SRGAP3: variants seen among roughly 807,000 people sequenced by gnomAD.
SRGAP3 encodes the protein SLIT-ROBO Rho GTPase-activating protein 3.
Under a neutral mutation model 121.1 loss-of-function variants are expected in SRGAP3, and 39 were observed. The ratio of observed to expected loss-of-function variants is 0.32; its 90% CI spans 0.25 to 0.42. The LOEUF is 0.42. SRGAP3 is among the 10% of genes least tolerant of loss of function. SRGAP3 has a pLI of 1.00. For missense variants in SRGAP3, 1,213 were observed against 1,470.6 expected (o/e 0.82, Z 2.86); for synonymous variants, 601 against 570.0 (o/e 1.05, Z -0.77).
intron 3 of SRGAP3, among the ~76,000 whole-genome samples, chr3:9,097,758 T>G (rs1948046642): frequency 6.6e-6 from 1 of 152,144 alleles, no homozygotes; most frequent in Non-Finnish European, 1.5e-5. Flanking sequence ...CATCATCTGC[T>G]CAAGCCCACA....
At chr3:9,333,678 C>G (rs181673429) in intron 1 of SRGAP3, among the ~76,000 whole-genome samples, 1 of 152,258 alleles carries the variant, frequency 6.6e-6, no homozygotes, top group East Asian at 1.9e-4. Flanking sequence ...CCCTTTCTTT[C>G]TTTCTCCCAG....
intron 21 of SRGAP3, among the ~76,000 whole-genome samples, chr3:8,988,819 T>C (rs933260408): frequency 1.3e-5 from 2 of 152,124 alleles, no homozygotes; most frequent in Non-Finnish European, 2.9e-5. Context: ...ACTACCTAGA[T>C]CCCTCACATG....
chr3:9,188,669 C>T (rs3856906), intron 1 of SRGAP3, among the ~76,000 whole-genome samples: 63 of 152,218 alleles, frequency 4.1e-4, no homozygotes, highest in African/African-American at 1.5e-3. Flanking sequence ...AAGCATATTG[C>T]CTCTCTTTGG....
At chr3:9,348,719 G>A (rs946987615) in intron 1 of SRGAP3, 10 of 1,239,386 alleles carry the variant, frequency 8.1e-6, no homozygotes, top group Non-Finnish European at 1.2e-5. Flanking sequence ...GCACTCTGGG[G>A]GTCTGATCGG....
chr3:9,259,486 G>A (rs928074199), intron 3 of SRGAP3, among the ~76,000 whole-genome samples: 1 of 151,922 alleles, frequency 6.6e-6, no homozygotes, highest in Non-Finnish European at 1.5e-5. Flanking sequence ...TTATTTTTTT[G>A]TAGAGATGGT....
chr3:9,196,390 G>A (rs1251437182), intron 1 of SRGAP3, among the ~76,000 whole-genome samples: 4 of 152,218 alleles, frequency 2.6e-5, no homozygotes, highest in Non-Finnish European at 5.9e-5. Flanking sequence ...AACCTTTGGA[G>A]CCAGAAGGTC....
chr3:9,073,358 T>C (rs1010543671), intron 4 of SRGAP3, among the ~76,000 whole-genome samples: 2 of 152,242 alleles, frequency 1.3e-5, no homozygotes, highest in Non-Finnish European at 2.9e-5. Flanking sequence ...TTGCCCAGGC[T>C]GGTCTTGAAC....
chr3:9,287,779 C>T (rs774758960), intron 3 of SRGAP3, among the ~76,000 whole-genome samples: 1 of 152,164 alleles, frequency 6.6e-6, no homozygotes, highest in Non-Finnish European at 1.5e-5. Context: ...TTTTAAGACT[C>T]ATTAGTGGTT....
upstream of SRGAP3, among the ~76,000 whole-genome samples, chr3:9,250,168 C>A (rs1200178963): frequency 6.6e-6 from 1 of 152,206 alleles, no homozygotes; most frequent in Non-Finnish European, 1.5e-5. Flanking sequence ...ATAAGTCAGA[C>A]TGAGCCTCAG....
At position 9,218,212 on chromosome 3, in the gene SRGAP3, C is replaced by G. The variant is rs3886235; in HGVS notation, c.67+30673G>C. On this transcript the variant is annotated intron_variant, in intron 1 of 21. Coordinates refer to ENST00000383836, the MANE Select transcript of SRGAP3 (RefSeq NM_014850.4). This position sits in a 1 kb window ranked among gnomAD's most constrained non-coding sequence, Gnocchi z 5.3. ...GGAAGATATTGCAGGAAACAATGCT[C>G]TAGGAGAGACCACAGCTGGGCCAGC... The G allele has an allele frequency of 1.6e-4, 24 of 152,126 alleles. No homozygotes were observed. Among genetic ancestry groups the G allele is most frequent in the Non-Finnish European group, 3.1e-4 (21 of 68,036 alleles). The allele number at this position is 152,126 out of a possible 1,614,324, so 9.4% of individuals were successfully genotyped here.
rs1948541867 is a variant in SRGAP3 at position 9,109,594 on chromosome 3, A to G, written c.261-4752T>C. Among the ~76,000 whole-genome samples, 1 of 152,150 alleles carries G rather than the reference A, an allele frequency of 6.6e-6. No individual in the cohort carries two copies. The highest frequency in any genetic ancestry group is 1.9e-4 in the East Asian group (1 of 5,178). ...GAGTGCAGGAGCAACCAAGGCTGCA[A>G]GACCCTGCCCTGCAAGTCTTCCACT... On this transcript the variant is annotated intron_variant, in intron 2 of 21. Coordinates refer to ENST00000383836, the MANE Select transcript of SRGAP3 (RefSeq NM_014850.4). The surrounding 1 kb of genome is among the most constrained non-coding windows in gnomAD (Gnocchi z 4.4).
At chr3:9,231,866 A>G (rs1953223143) in intron 1 of SRGAP3, among the ~76,000 whole-genome samples, 2 of 152,222 alleles carry the variant, frequency 1.3e-5, no homozygotes, top group South Asian at 4.1e-4. Context: ...CTCATTTCAC[A>G]GATGAGGAAG....
At chr3:9,085,605 A>T (rs1371789345) in intron 3 of SRGAP3, among the ~76,000 whole-genome samples, 2 of 152,260 alleles carry the variant, frequency 1.3e-5, no homozygotes, top group East Asian at 3.8e-4. Flanking sequence ...AATATGGTAC[A>T]TATATACCAT....
At chr3:9,344,220 C>T (rs1335798852) in intron 1 of SRGAP3, among the ~76,000 whole-genome samples, 10 of 152,008 alleles carry the variant, frequency 6.6e-5, no homozygotes, top group Admixed American at 3.9e-4. Flanking sequence ...TTTGGGAGGC[C>T]GAGGCGGGCG....
intron 3 of SRGAP3, among the ~76,000 whole-genome samples, chr3:9,278,408 G>C (rs993692951): frequency 6.6e-6 from 1 of 152,186 alleles, no homozygotes; most frequent in Non-Finnish European, 1.5e-5. Context: ...TTGAAGCAGA[G>C]AGTCCCACTT....
chr3:9,221,117 G>A (rs909354315), intron 1 of SRGAP3, among the ~76,000 whole-genome samples: 1 of 150,154 alleles, frequency 6.7e-6, no homozygotes, highest in Non-Finnish European at 1.5e-5. Context: ...CCCCAGCACT[G>A]CCCCTTCCCC....
chr3:9,116,880 C>T (rs452415), intron 2 of SRGAP3, among the ~76,000 whole-genome samples: 52,518 of 152,136 alleles, frequency 0.35, 9,793 homozygotes, highest in African/African-American at 0.47. Context: ...AAGATAAAGA[C>T]AGCCCCTTCT....
intron 18 of SRGAP3, among the ~76,000 whole-genome samples, chr3:8,994,834 G>A (rs187561660): frequency 2.1e-4 from 32 of 152,076 alleles, no homozygotes; most frequent in African/African-American, 6.3e-4. Flanking sequence ...TAGAATTTTC[G>A]TTTTCTTCCA....
rs769734413 is a variant in SRGAP3 at position 9,360,557 on chromosome 3, C to A, written n.214+2283G>T. On this transcript the variant is annotated intron_variant and non_coding_transcript_variant, in intron 1 of 3. Coordinates refer to the SRGAP3 transcript ENST00000490889. The stretch of plus-strand genomic sequence containing the variant: ...TGATAGAGACATACCCAAGACTGGG[C>A]AATTTGCAAAAGAAAGAGGTTTAAT... 3.3e-5 allele frequency among the ~76,000 whole-genome samples: 5 copies of A among 152,158 alleles called. No individual in the cohort carries two copies. The East Asian group carries it at 5.8e-4, about 18-fold the overall frequency.
Sources: gnomAD v4.1 joint callset for allele counts (sites outside exome capture counted in the v4.1 genomes callset) on GRCh38, gnomAD v4.1.1 for gene constraint, Gnocchi (gnomAD v3.1) non-coding constraint, MANE v1.5 for transcripts, NCBI Gene and HGNC (gene_info 2026-07-23, HGNC 2026-07-21) for gene names.